Variants in ITPR1 observed in about 807,000 individuals in gnomAD.
The protein encoded by ITPR1 is inositol 1,4,5-trisphosphate-gated calcium channel ITPR1.
ITPR1 carries 96 observed loss-of-function variants against 318.4 expected under a neutral mutation model. The observed-to-expected ratio is 0.30, with a 90% CI of 0.26 to 0.36. The LOEUF (loss-of-function observed/expected upper bound fraction) is 0.36, where lower values mean the gene tolerates loss of function less well. Ranked by LOEUF, ITPR1 falls within the 10% of genes least tolerant of loss-of-function variation. The pLI is 1.00. For missense variants in ITPR1, 2,440 were observed against 3,460.2 expected (o/e 0.71, Z 7.40); for synonymous variants, 1,312 against 1,289.9 (o/e 1.02, Z -0.37).
chr3:4,631,889 C>T (rs774441632), intron 5 of ITPR1, among the ~76,000 whole-genome samples: 6 of 152,144 alleles, frequency 3.9e-5, no homozygotes, highest in African/African-American at 1.2e-4. Context: ...TGAGCTCAAA[C>T]GATCCTCCTG....
chr3:4,561,710 G>A (rs2086693299), intron 4 of ITPR1, among the ~76,000 whole-genome samples: 1 of 152,060 alleles, frequency 6.6e-6, no homozygotes, highest in Admixed American at 6.6e-5. Context: ...GCATTGGTTT[G>A]TAATATTCAT....
chr3:4,735,903 T>C (rs1191660972), intron 44 of ITPR1, among the ~76,000 whole-genome samples: 3 of 152,258 alleles, frequency 2.0e-5, no homozygotes, highest in African/African-American at 4.8e-5. Context: ...TAGATGACTT[T>C]TTGAAAGGTA....
chr3:4,666,840 A>G (rs1018397638), intron 17 of ITPR1, among the ~76,000 whole-genome samples: 7 of 152,332 alleles, frequency 4.6e-5, no homozygotes, highest in Non-Finnish European at 8.8e-5. Flanking sequence ...AGATGTATTC[A>G]TGAGTTCCAT....
At chr3:4,709,597 A>AT (rs1194830076) in intron 37 of ITPR1, among the ~76,000 whole-genome samples, 1 of 152,176 alleles carries the variant, frequency 6.6e-6, no homozygotes, top group African/African-American at 2.4e-5. Context: ...TTTGAAGATA[A>AT]TTTCTCATCT....
At chr3:4,567,272 C>CT (rs201181270) in intron 4 of ITPR1, among the ~76,000 whole-genome samples, 3,027 of 152,218 alleles carry the variant, frequency 0.02, 88 homozygotes, top group African/African-American at 0.067. Flanking sequence ...AGCTCTTACT[C>CT]TTTTTTATCC....
At chr3:4,637,961 A>T (rs1477211801) in intron 5 of ITPR1, among the ~76,000 whole-genome samples, 4 of 152,214 alleles carry the variant, frequency 2.6e-5, no homozygotes, top group African/African-American at 9.7e-5. Flanking sequence ...AATGGCAATT[A>T]TGTGTCTGGC....
At chr3:4,635,361 G>A (rs986906535) in intron 5 of ITPR1, among the ~76,000 whole-genome samples, 9 of 151,950 alleles carry the variant, frequency 5.9e-5, no homozygotes, top group Admixed American at 2.6e-4. Context: ...TTGTGGTGGG[G>A]ACGGAGTCTC....
chr3:4,545,894 A>G (rs2084946998), intron 4 of ITPR1, among the ~76,000 whole-genome samples: 1 of 151,814 alleles, frequency 6.6e-6, no homozygotes. Flanking sequence ...ACGGGATCTC[A>G]CTATGTTACC....
intron 4 of ITPR1, among the ~76,000 whole-genome samples, chr3:4,604,462 C>G (rs2091544656): frequency 6.6e-6 from 1 of 152,118 alleles, no homozygotes; most frequent in African/African-American, 2.4e-5. Context: ...GGAGAACTGT[C>G]TATGTGTCTC....
intron 53 of ITPR1, chr3:4,799,873 C>T (rs964670976): frequency 1.3e-5 from 2 of 152,378 alleles, no homozygotes; most frequent in East Asian, 1.9e-4. Context: ...AGGGGACCTG[C>T]AGTTTTCCTT....
chr3:4,840,434 A>C (rs1002851907), intron 61 of ITPR1, among the ~76,000 whole-genome samples: 1 of 152,142 alleles, frequency 6.6e-6, no homozygotes. Context: ...AAACACAAAA[A>C]TTGCTCCATT....
intron 33 of ITPR1, among the ~76,000 whole-genome samples, chr3:4,694,969 C>T (rs538270462): frequency 6.6e-6 from 1 of 152,140 alleles, no homozygotes. Flanking sequence ...TACTTCCCCA[C>T]CCCCTTTTTG....
intron 4 of ITPR1, among the ~76,000 whole-genome samples, chr3:4,560,714 A>C (rs1455705325): frequency 2.6e-5 from 4 of 152,146 alleles, no homozygotes; most frequent in Admixed American, 2.0e-4. Context: ...GAACAGATTA[A>C]CTTTGGTGCA....
At position 4,673,682 on chromosome 3, in the gene ITPR1, G is replaced by A. The variant is rs150140683; in HGVS notation, c.2456+295G>A. On this transcript the variant is annotated intron_variant, in intron 21 of 61. Transcript: ENST00000649015. ...ACTACAAGCTCTGCCTCCCGGGTTC[G>A]TGCCATTCTCCTTCCTCAGCCTCCC... 2.1e-3 allele frequency among the ~76,000 whole-genome samples: 314 copies of A among 152,100 alleles called. 3 individuals are homozygous for A. In the East Asian group the frequency reaches 0.044, roughly 21 times the overall value.
intron 44 of ITPR1, chr3:4,751,640 C>T (rs2044530661): frequency 2.0e-5 from 3 of 152,250 alleles, no homozygotes; most frequent in Non-Finnish European, 1.5e-5. Flanking sequence ...GGCAAGCTGA[C>T]TTCCCTTTAT....
chr3:4,509,293 C>T (rs959117936), intron 2 of ITPR1, among the ~76,000 whole-genome samples: 2 of 152,162 alleles, frequency 1.3e-5, no homozygotes, highest in Non-Finnish European at 2.9e-5. Flanking sequence ...AGTGTACACT[C>T]TTGTCAGTAC....
chr3:4,662,331 G>C, intron 15 of ITPR1, 89 bp downstream of exon 15: 2 of 1,202,478 alleles, frequency 1.7e-6, no homozygotes, highest in South Asian at 2.1e-5. Flanking sequence ...TGGTGACTCT[G>C]AACAGCTAAA....
chr3:4,800,737 A>C, intron 54 of ITPR1, 137 bp downstream of exon 54: 1 of 878,280 alleles, frequency 1.1e-6, no homozygotes, highest in African/African-American at 1.7e-5. Context: ...AATAGCCAGA[A>C]GCAGGGGATG....
At chr3:4,637,630 T>C (rs1470300839) in intron 5 of ITPR1, among the ~76,000 whole-genome samples, 1 of 152,206 alleles carries the variant, frequency 6.6e-6, no homozygotes, top group East Asian at 1.9e-4. Flanking sequence ...AGGGAAGTTT[T>C]GAATGGGCTG....
Sources: gnomAD v4.1 joint callset for allele counts (sites outside exome capture counted in the v4.1 genomes callset) on GRCh38, gnomAD v4.1.1 for gene constraint, MANE v1.5 for transcripts, NCBI Gene and HGNC (gene_info 2026-07-23, HGNC 2026-07-21) for gene names.